Variants in MSH6 observed in about 807,000 individuals in gnomAD.
MSH6 encodes the protein DNA mismatch repair protein Msh6.
Under a neutral mutation model 119.1 loss-of-function variants are expected in MSH6, and 85 were observed. That is an observed-to-expected ratio of 0.71 (90% CI 0.60 to 0.85). MSH6 has a LOEUF of 0.85. Among genes scored for constraint, MSH6 ranks in the 40% least tolerant of loss-of-function variants. The pLI is 0.00. For synonymous variants in MSH6, 830 were observed against 586.9 expected (o/e 1.41, Z -5.99); for missense variants, 2,163 against 1,655.3 (o/e 1.31, Z -5.32).
At chr2:47,793,211 C>T (rs1222044317) in intron 2 of MSH6, among the ~76,000 whole-genome samples, 1 of 146,500 alleles carries the variant, frequency 6.8e-6, no homozygotes, top group Non-Finnish European at 1.5e-5. Context: ...ATCCCAGCTA[C>T]TTGGGAGGCT....
At chr2:47,791,173 T>TGAGA (rs1668709621) in intron 2 of MSH6, 50 bp downstream of exon 2, 6 of 1,528,922 alleles carry the variant, frequency 3.9e-6, no homozygotes, top group Non-Finnish European at 5.4e-6. Flanking sequence ...TGTGTGTGTG[T>TGAGA]GTGAGAGAAA....
intron 1 of MSH6, among the ~76,000 whole-genome samples, chr2:47,788,922 GTTTTTTTTTTTTTT>G (rs1558650240): frequency 0.031 from 1,262 of 40,966 alleles, 101 homozygotes; most frequent in African/African-American, 0.12. Flanking sequence ...TTTTTTTTTT[GTTTTTTTTTTTTTT>G]TTTTTTTTTT....
At chr2:47,808,071 T>G (rs1670349432), downstream of MSH6, 3 of 1,520,772 alleles carry the variant, frequency 2.0e-6, no homozygotes, top group Admixed American at 1.9e-5. Flanking sequence ...AAAAGTGTTT[T>G]AAGTTATGAT....
In MSH6 at chr2:47,800,236, T is replaced by C. The variant is rs2020913; in HGVS notation, c.2253T>C (p.Asn751=). 5,619 of 1,614,188 alleles carry C rather than the reference T, an allele frequency of 3.5e-3. 203 individuals are homozygous for C. In the African/African-American group the frequency reaches 0.065, roughly 19 times the overall value. ...TGGAGATTTTTCTGAATGGAACAAA[T>C]GGTTCTACTGAAGGAACCCTACTAG... is the stretch of plus-strand genomic sequence containing the variant. ...NNLEIFLNGT[N]GSTEGTLLER... is the part of the protein sequence containing the mutation. Residue 751 remains asparagine, a synonymous_variant, in exon 4 of 10, where the codon AAT becomes AAC. Coordinates refer to ENST00000234420, the MANE Select transcript of MSH6 (RefSeq NM_000179.3).
rs1355406935 is a variant in MSH6 at position 47,790,917 on chromosome 2, T to C, written c.261-10T>C. 1.2e-6 allele frequency: 2 copies of C among 1,614,038 alleles called. No individual in the cohort carries two copies. The highest frequency in any genetic ancestry group is 1.7e-4 in the Middle Eastern group (1 of 6,060). On this transcript the variant is annotated splice_polypyrimidine_tract_variant and intron_variant, in intron 1 of 9. Coordinates refer to ENST00000234420, the MANE Select transcript of MSH6 (RefSeq NM_000179.3). The stretch of plus-strand genomic sequence containing the variant: ...TATTAACTAAGTTATGTATTTCCTT[T>C]TGGCAACAGTTGTGACTTCTCACCA...
intron 1 of MSH6, among the ~76,000 whole-genome samples, chr2:47,785,170 C>G (rs564948184): frequency 6.6e-6 from 1 of 151,000 alleles, no homozygotes; most frequent in East Asian, 2.0e-4. Context: ...TTTGAACAAA[C>G]GAAGAAATAA....
At chr2:47,807,873 T>A, downstream of MSH6, 4 of 366,708 alleles carry the variant, frequency 1.1e-5, no homozygotes, top group South Asian at 2.1e-4. Flanking sequence ...GCAGCTTATT[T>A]TCTTCACTTC....
Position 47,800,973 on chromosome 2 carries a change from A to G in MSH6, c.2990A>G (p.Lys997Arg), listed in dbSNP as rs587780674. 1 of 1,561,460 alleles carries G rather than the reference A, an allele frequency of 6.4e-7. No individual in the cohort carries two copies. Among genetic ancestry groups the G allele is most frequent in the East Asian group, 2.2e-5 (1 of 44,502 alleles). The change falls in exon 4 of 10, where the codon AAA becomes AGA. Residue 997 changes from lysine to arginine, a missense_variant. Physicochemically the swap from Lys to Arg is conservative, Grantham distance 26. Coordinates refer to ENST00000234420, the MANE Select transcript of MSH6 (RefSeq NM_000179.3). ...TRNLPEEYEL[K>R]STKKGCKRYW... ...AATTTGCCAGAAGAATACGAGTTGA[A>G]ATCTACCAAGAAGGGCTGTAAACGA...
Position 47,799,759 on chromosome 2 carries a change from A to G in MSH6, c.1776A>G (p.Val592=), listed in dbSNP as rs56132616. The G allele has an allele frequency of 3.1e-6, 5 of 1,614,222 alleles. No homozygotes were observed. In the South Asian group the frequency reaches 3.3e-5, roughly 11 times the overall value. The change falls in exon 4 of 10, where the codon GTA becomes GTG. Residue 592 remains valine, a synonymous_variant. Transcript: ENST00000234420. ...CTCTAGTGGCACACTATCCCCCAGT[A>G]CAAGTTTTATTTGAAAAAGGAAATC... The part of the protein sequence containing the change: ...FRTLVAHYPP[V]QVLFEKGNLS...
chr2:47,798,314 C>T (rs545232165), intron 3 of MSH6, among the ~76,000 whole-genome samples: 3 of 152,266 alleles, frequency 2.0e-5, no homozygotes, highest in East Asian at 1.9e-4. Flanking sequence ...AAACTAAAAA[C>T]GTGTTTAATA....
At chr2:47,790,193 G>A (rs186283508) in intron 1 of MSH6, among the ~76,000 whole-genome samples, 5 of 152,280 alleles carry the variant, frequency 3.3e-5, no homozygotes, top group South Asian at 4.1e-4. Context: ...AGGCCAAGGC[G>A]GGTGAATCAT....
intron 1 of MSH6, chr2:47,784,813 T>C (rs968303394): frequency 6.6e-6 from 1 of 151,906 alleles, no homozygotes. Flanking sequence ...AGCTTGCTTT[T>C]GCTGTTTGCC....
intron 2 of MSH6, among the ~76,000 whole-genome samples, chr2:47,792,125 C>A (rs1458718726): frequency 6.6e-6 from 1 of 152,018 alleles, no homozygotes; most frequent in Non-Finnish European, 1.5e-5. Context: ...GGATTATAGG[C>A]GTGAGCCACT....
At chr2:47,801,409 C>T (rs144297951) in intron 4 of MSH6, 68 of 338,404 alleles carry the variant, frequency 2.0e-4, no homozygotes, top group African/African-American at 1.9e-3. Context: ...TGCTCTGTTG[C>T]CCAGGCTAGA....
chr2:47,803,756 A>G, intron 5 of MSH6, 71 bp downstream of exon 5: 1 of 1,581,312 alleles, frequency 6.3e-7, no homozygotes, highest in South Asian at 1.1e-5. Context: ...TTAGGTGATC[A>G]TTTTCCAAAC....
In MSH6 at chr2:47,799,903, A is replaced by G. The variant is rs1572724974; in HGVS notation, c.1920A>G (p.Glu640=). 6.2e-7 allele frequency: 1 copy of G among 1,614,190 alleles called. No homozygotes were observed. The highest frequency in any genetic ancestry group is 8.5e-7 in the Non-Finnish European group (1 of 1,180,030). ...AAACTTTGAGAACTCTCCTTGAGGAAGAATATTTTAGGGAAAAGCTAAGTG... is the reference window on the plus strand; with the variant it reads ...AAACTTTGAGAACTCTCCTTGAGGAGGAATATTTTAGGGAAAAGCTAAGTG... ...ASKTLRTLLE[E]EYFREKLSDG... The change falls in exon 4 of 10, where the codon GAA becomes GAG. Residue 640 remains glutamate (E), a synonymous_variant. Coordinates refer to ENST00000234420, the MANE Select transcript of MSH6 (RefSeq NM_000179.3).
At chr2:47,786,844 C>T (rs901889045) in intron 1 of MSH6, among the ~76,000 whole-genome samples, 1 of 151,992 alleles carries the variant, frequency 6.6e-6, no homozygotes, top group Non-Finnish European at 1.5e-5. Context: ...CTTTGTTGCC[C>T]AGGCTGGTGT....
intron 4 of MSH6, among the ~76,000 whole-genome samples, chr2:47,801,831 G>A (rs968540003): frequency 2.6e-5 from 4 of 151,980 alleles, no homozygotes; most frequent in Admixed American, 1.3e-4. Context: ...GAAGGGGGAA[G>A]GGAGTTGAAG....
Position 47,801,143 on chromosome 2 carries a change from A to T in MSH6, c.3160A>T (p.Ile1054Phe), listed in dbSNP as rs267608075. ...YKDWQSAVEC[I>F]AVLDVLLCLA... is the part of the protein sequence containing the mutation. ...GGACTGGCAGTCTGCTGTAGAGTGT[A>T]TCGCAGTGTTGGGTAAGACTTTGAA... is the stretch of plus-strand genomic sequence containing the variant. The change falls in exon 4 of 10, where the codon ATC becomes TTC. Residue 1054 changes from isoleucine (I) to phenylalanine (F), a missense_variant. Physicochemically the swap from Ile to Phe is conservative, Grantham distance 21. Coordinates refer to ENST00000234420, the MANE Select transcript of MSH6 (RefSeq NM_000179.3). 1.1e-4 allele frequency: 176 copies of T among 1,610,818 alleles called. No individual in the cohort carries two copies. The highest frequency in any genetic ancestry group is 6.1e-5 in the Non-Finnish European group (72 of 1,180,016).
Sources: gnomAD v4.1 joint callset for allele counts (sites outside exome capture counted in the v4.1 genomes callset) on GRCh38, gnomAD v4.1.1 for gene constraint, MANE v1.5 for transcripts, NCBI Gene and HGNC (gene_info 2026-07-23, HGNC 2026-07-21) for gene names.